Variants in GLIS3 observed in about 807,000 individuals in gnomAD.
GLIS3 encodes the protein GLIS family zinc finger 3.
GLIS3 carries 53 observed loss-of-function variants against 78.6 expected under a neutral mutation model. The ratio of observed to expected loss-of-function variants is 0.67; its 90% CI spans 0.54 to 0.85. The LOEUF is 0.85. Among genes scored for constraint, GLIS3 ranks in the 40% least tolerant of loss-of-function variants. The probability of loss-of-function intolerance (pLI) is 0.00; values close to 1 mark genes in which losing one functional copy is unlikely to be tolerated. For missense variants in GLIS3, 1,703 were observed against 1,231.1 expected (o/e 1.38, Z -5.74); for synonymous variants, 684 against 509.9 (o/e 1.34, Z -4.60).
chr9:3,920,405 G>A (rs906843730), intron 6 of GLIS3, among the ~76,000 whole-genome samples: 6 of 152,134 alleles, frequency 3.9e-5, no homozygotes. Context: ...CTATGTTAAA[G>A]TGTCTAATCA....
the GLIS3 span, among the ~76,000 whole-genome samples, chr9:4,418,528 G>T: frequency 6.6e-6 from 1 of 152,076 alleles, no homozygotes; most frequent in Non-Finnish European, 1.5e-5. Context: ...GTGAAGCCCC[G>T]TGTCTACTAA....
At chr9:3,965,960 C>G (rs1018362961) in intron 4 of GLIS3, among the ~76,000 whole-genome samples, 6 of 152,234 alleles carry the variant, frequency 3.9e-5, no homozygotes, top group Non-Finnish European at 8.8e-5. Flanking sequence ...TTCAAACCAG[C>G]TTCAGCATCA....
chr9:4,019,131 T>C (rs1822666601), intron 4 of GLIS3, among the ~76,000 whole-genome samples: 1 of 152,144 alleles, frequency 6.6e-6, no homozygotes. Context: ...GGTTAGGAAT[T>C]AGATGAAAAT....
intron 4 of GLIS3, among the ~76,000 whole-genome samples, chr9:4,308,424 G>A (rs779737742): frequency 1.3e-5 from 2 of 152,056 alleles, no homozygotes; most frequent in Admixed American, 6.5e-5. Context: ...CGCTGGAGGA[G>A]GACACAGAAG....
Position 4,225,542 on chromosome 9 carries a change from A to G in GLIS3, c.388+60496T>C, listed in dbSNP as rs1051657986. On this transcript the variant is annotated intron_variant, in intron 2 of 10. Coordinates refer to ENST00000381971, the MANE Select transcript of GLIS3 (RefSeq NM_001042413.2). ...GTCTGCTAAAGTAGTCACACAGAGT[A>G]AAACTGCCTCTTGAGTCACTATAAC... 2.0e-5 allele frequency among the ~76,000 whole-genome samples: 3 copies of G among 152,344 alleles called. No individual in the cohort carries two copies. In the South Asian group the frequency reaches 6.2e-4, roughly 32 times the overall value.
intron 2 of GLIS3, chr9:4,151,096 G>C (rs527342438): frequency 1.3e-5 from 2 of 152,350 alleles, no homozygotes; most frequent in South Asian, 2.1e-4. Flanking sequence ...GAGGAGATCA[G>C]GATGAAAAGC....
At chr9:4,190,923 C>T (rs1586927713) in intron 2 of GLIS3, among the ~76,000 whole-genome samples, 1 of 152,044 alleles carries the variant, frequency 6.6e-6, no homozygotes, top group East Asian at 1.9e-4. Flanking sequence ...ATTTCACATC[C>T]AGCCAAACTA....
At chr9:4,110,170 C>T (rs1443078236) in intron 4 of GLIS3, among the ~76,000 whole-genome samples, 3 of 152,178 alleles carry the variant, frequency 2.0e-5, no homozygotes, top group African/African-American at 7.2e-5. Flanking sequence ...CATCAGTACA[C>T]ATACTATTTG....
At chr9:4,069,914 T>C (rs996101178) in intron 4 of GLIS3, among the ~76,000 whole-genome samples, 2 of 151,954 alleles carry the variant, frequency 1.3e-5, no homozygotes, top group Admixed American at 6.6e-5. Context: ...AGCCTGTGGA[T>C]GTCAGGAAGA....
chr9:4,237,265 G>C (rs1349517226), intron 2 of GLIS3, among the ~76,000 whole-genome samples: 2 of 151,936 alleles, frequency 1.3e-5, no homozygotes, highest in South Asian at 4.2e-4. Context: ...TAAAGGCATA[G>C]CCGGTTAAGT....
the GLIS3 span, among the ~76,000 whole-genome samples, chr9:4,460,009 T>A: frequency 1.8e-4 from 28 of 152,096 alleles, no homozygotes; most frequent in Non-Finnish European, 3.7e-4. Context: ...CTCTAAAAGT[T>A]TGTGCCGCTA....
chr9:4,276,635 T>C (rs1017073049), intron 2 of GLIS3, among the ~76,000 whole-genome samples: 6 of 152,000 alleles, frequency 3.9e-5, no homozygotes, highest in African/African-American at 1.4e-4. Flanking sequence ...TCCTGTAGCA[T>C]TTGAAGTGGG....
chr9:3,866,465 A>G (rs10973917), intron 8 of GLIS3, among the ~76,000 whole-genome samples: 5,910 of 115,718 alleles, frequency 0.051, 165 homozygotes, highest in Middle Eastern at 0.095. Context: ...TCTCAGAAAC[A>G]AAAAGTAAAG....
chr9:4,152,182 A>T lies in GLIS3; in HGVS notation c.389-26241T>A, dbSNP rs115240097. Reference sequence around the variant, plus strand: ...CTCCAACACCCTTCAACCATAAAGGATGTGTGAGCCTCAGGAAGGAACCAA... The same window carrying T: ...CTCCAACACCCTTCAACCATAAAGGTTGTGTGAGCCTCAGGAAGGAACCAA... On this transcript the variant is annotated intron_variant, in intron 2 of 10. Coordinates refer to ENST00000381971, the MANE Select transcript of GLIS3 (RefSeq NM_001042413.2). The T allele has an allele frequency of 2.3e-3, 2,180 of 933,968 alleles. 41 individuals carry two copies. The African/African-American group carries it at 0.035, about 15-fold the overall frequency. 57.9% of individuals were successfully genotyped at this position (933,968 alleles called of 1,614,324 possible).
intron 6 of GLIS3, among the ~76,000 whole-genome samples, chr9:3,907,599 CCCCCAAACACACACACACACACACAG>C (rs1476098977): frequency 3.0e-5 from 4 of 132,352 alleles, no homozygotes; most frequent in East Asian, 4.8e-4. Context: ...CATCCTCCAC[CCCCCAAACACACACACACACACACAG>C]ACACACACAC....
chr9:4,189,442 G>A (rs1353249848), intron 2 of GLIS3, among the ~76,000 whole-genome samples: 1 of 152,050 alleles, frequency 6.6e-6, no homozygotes. Context: ...AATACGTGTG[G>A]TGTGGTGCTG....
chr9:3,831,683 C>T (rs183786792), intron 9 of GLIS3, among the ~76,000 whole-genome samples: 26 of 152,230 alleles, frequency 1.7e-4, no homozygotes, highest in Admixed American at 5.2e-4. Flanking sequence ...GAGATTGCAG[C>T]GCTAGTGATC....
At chr9:4,317,152 G>A (rs569747378) in intron 2 of GLIS3, among the ~76,000 whole-genome samples, 1 of 152,310 alleles carries the variant, frequency 6.6e-6, no homozygotes, top group Admixed American at 6.5e-5. Flanking sequence ...CCTTTCGACT[G>A]CAAGGTTAAG....
intron 4 of GLIS3, among the ~76,000 whole-genome samples, chr9:3,966,773 CA>C (rs140710068): frequency 2.7e-4 from 37 of 137,990 alleles, no homozygotes; most frequent in African/African-American, 6.1e-4. Context: ...GGGTGACAGA[CA>C]AAAAAAAAAC....
Sources: gnomAD v4.1 joint callset for allele counts (sites outside exome capture counted in the v4.1 genomes callset) on GRCh38, gnomAD v4.1.1 for gene constraint, MANE v1.5 for transcripts, NCBI Gene and HGNC (gene_info 2026-07-23, HGNC 2026-07-21) for gene names.